Variants in GRID1 observed in about 807,000 individuals in gnomAD.
The protein encoded by GRID1 is glutamate ionotropic receptor delta type subunit 1.
GRID1 carries 28 observed loss-of-function variants against 98.0 expected under a neutral mutation model. That is an observed-to-expected ratio of 0.29 (90% CI 0.21 to 0.39). The LOEUF (loss-of-function observed/expected upper bound fraction) is 0.39, where lower values mean the gene tolerates loss of function less well. GRID1 is among the 10% of genes least tolerant of loss of function. GRID1 has a pLI of 1.00. For missense variants in GRID1, 1,111 were observed against 1,340.5 expected, an observed-to-expected ratio of 0.83 and a Z score of 2.67; for synonymous variants, 553 against 538.5, an observed-to-expected ratio of 1.03 and a Z score of -0.37.
At chr10:86,053,366 G>GTT (rs34092991) in intron 4 of GRID1, among the ~76,000 whole-genome samples, 123 of 148,940 alleles carry the variant, frequency 8.3e-4, no homozygotes, top group Non-Finnish European at 1.3e-3. Flanking sequence ...TTGTTTTTTT[G>GTT]TTTTTTTTTG....
At chr10:86,158,048 T>C (rs1252018998) in intron 3 of GRID1, among the ~76,000 whole-genome samples, 1 of 152,198 alleles carries the variant, frequency 6.6e-6, no homozygotes, top group Non-Finnish European at 1.5e-5. Context: ...TGCTGTGTCA[T>C]TTCATGCCAG....
chr10:86,178,277 G>A (rs1255139254), intron 3 of GRID1, among the ~76,000 whole-genome samples: 1 of 151,924 alleles, frequency 6.6e-6, no homozygotes, highest in African/African-American at 2.4e-5. Flanking sequence ...TTTTTCTTAC[G>A]TTTTATATCC....
intron 5 of GRID1, among the ~76,000 whole-genome samples, chr10:85,870,839 A>C (rs193211385): frequency 1.7e-4 from 26 of 152,308 alleles, no homozygotes; most frequent in Admixed American, 1.1e-3. Context: ...AGATGGGAGA[A>C]CAGAGGGTCA....
chr10:85,637,434 T>C (rs1360322408), intron 13 of GRID1, among the ~76,000 whole-genome samples: 1 of 152,284 alleles, frequency 6.6e-6, no homozygotes, highest in Admixed American at 6.5e-5. Flanking sequence ...TTTAGGCACA[T>C]TTTAATTGGT....
chr10:86,113,243 T>A (rs529071626), intron 4 of GRID1, among the ~76,000 whole-genome samples: 1 of 152,208 alleles, frequency 6.6e-6, no homozygotes, highest in South Asian at 2.1e-4. Flanking sequence ...GAACCCCAAC[T>A]CCTCGTCTAG....
chr10:85,895,222 C>A (rs1012253441), intron 5 of GRID1, among the ~76,000 whole-genome samples: 2 of 151,716 alleles, frequency 1.3e-5, no homozygotes, highest in South Asian at 4.2e-4. Flanking sequence ...CTCACCACCT[C>A]CATTTGAACC....
In GRID1 at chr10:85,724,648, G is replaced by A. The variant is rs763380391; in HGVS notation, c.1562C>T (p.Thr521Ile). The change falls in exon 11 of 16, where the codon ACC (threonine) becomes ATC (isoleucine). Residue 521 changes from threonine (T) to isoleucine (I), a missense_variant. Transcript: ENST00000327946. ...KRADLAISAI[T>I]ITPERESVVD... is the part of the protein sequence containing the mutation. ...AACGCTCTCCCTCTCTGGGGTGATG[G>A]TGATGGCAGAGATGGCCAAGTCTGC... 4 of 1,611,648 alleles carry A rather than the reference G, an allele frequency of 2.5e-6. No homozygotes were observed. Among genetic ancestry groups the A allele is most frequent in the South Asian group, 2.2e-5 (2 of 91,068 alleles).
intron 5 of GRID1, among the ~76,000 whole-genome samples, chr10:85,884,203 G>A (rs549221925): frequency 1.3e-5 from 2 of 151,922 alleles, no homozygotes; most frequent in South Asian, 4.2e-4. Context: ...GGCTTTTTTG[G>A]TCATTTTTCC....
chr10:86,339,455 G>A (rs1458451387), intron 2 of GRID1, among the ~76,000 whole-genome samples: 1 of 152,244 alleles, frequency 6.6e-6, no homozygotes, highest in Non-Finnish European at 1.5e-5. Context: ...AGCTCCCAGG[G>A]GTGTGGTAGT....
chr10:86,314,482 AG>A (rs1369091273), intron 2 of GRID1, among the ~76,000 whole-genome samples: 1 of 152,204 alleles, frequency 6.6e-6, no homozygotes, highest in Non-Finnish European at 1.5e-5. Flanking sequence ...GTGCTTACAG[AG>A]CCTGGCCTGG....
intron 4 of GRID1, among the ~76,000 whole-genome samples, chr10:86,094,244 T>C (rs1313212983): frequency 6.6e-6 from 1 of 152,190 alleles, no homozygotes; most frequent in Non-Finnish European, 1.5e-5. Flanking sequence ...AACATAATAC[T>C]GAATGGGGAA....
chr10:85,724,725 T>G, intron 10 of GRID1, 49 bp from the exon 11 acceptor site: 2 of 1,514,890 alleles, frequency 1.3e-6, no homozygotes, highest in Non-Finnish European at 1.8e-6. Flanking sequence ...AGCTTACTGC[T>G]GGGTTCTGCC....
intron 4 of GRID1, among the ~76,000 whole-genome samples, chr10:86,132,839 A>T (rs1170924195): frequency 6.6e-6 from 1 of 152,210 alleles, no homozygotes; most frequent in Non-Finnish European, 1.5e-5. Context: ...TGAAGGATCA[A>T]ATTGACCTCC....
At chr10:86,152,481 C>T (rs1337284736) in intron 3 of GRID1, among the ~76,000 whole-genome samples, 1 of 152,260 alleles carries the variant, frequency 6.6e-6, no homozygotes, top group Non-Finnish European at 1.5e-5. Context: ...TGAAGCCCCG[C>T]TCTGCGCCCG....
chr10:85,826,374 G>C (rs1200311634), intron 8 of GRID1, among the ~76,000 whole-genome samples: 1 of 152,020 alleles, frequency 6.6e-6, no homozygotes, highest in Non-Finnish European at 1.5e-5. Context: ...CAAAAGTCTA[G>C]AATTGTCAGA....
intron 4 of GRID1, among the ~76,000 whole-genome samples, chr10:85,964,586 A>G (rs2131851103): frequency 6.6e-6 from 1 of 152,380 alleles, no homozygotes; most frequent in East Asian, 1.9e-4. Context: ...CGGGCTAGCC[A>G]TATGCCAAAA....
At chr10:86,156,064 G>A (rs183377446) in intron 3 of GRID1, among the ~76,000 whole-genome samples, 188 of 152,318 alleles carry the variant, frequency 1.2e-3, no homozygotes, top group African/African-American at 4.2e-3. Flanking sequence ...AGAGACAGCT[G>A]CAACAAGCTG....
At chr10:85,821,450 G>GAGGTTGC (rs112204834) in intron 8 of GRID1, among the ~76,000 whole-genome samples, 31,176 of 140,652 alleles carry the variant, frequency 0.22, 3,543 homozygotes, top group South Asian at 0.28. Context: ...CCGGGAGGCA[G>GAGGTTGC]AGGTTGCAGT....
chr10:85,861,505 A>T (rs538887005), intron 6 of GRID1, among the ~76,000 whole-genome samples: 1 of 152,280 alleles, frequency 6.6e-6, no homozygotes, highest in African/African-American at 2.4e-5. Flanking sequence ...AAAGGTACAA[A>T]CACAGGAAGG....
Sources: gnomAD v4.1 joint callset for allele counts (sites outside exome capture counted in the v4.1 genomes callset) on GRCh38, gnomAD v4.1.1 for gene constraint, MANE v1.5 for transcripts, NCBI Gene and HGNC (gene_info 2026-07-23, HGNC 2026-07-21) for gene names.